CCDC171: variants seen among roughly 807,000 people sequenced by gnomAD.
CCDC171 encodes the protein coiled-coil domain-containing protein 171.
A neutral mutation model predicts 168.2 loss-of-function variants in CCDC171; 177 were observed. The ratio of observed to expected loss-of-function variants is 1.05; its 90% CI spans 0.93 to 1.19. The LOEUF (loss-of-function observed/expected upper bound fraction) is 1.19, where lower values mean the gene tolerates loss of function less well. Among genes scored for constraint, CCDC171 ranks in the 50% most tolerant of loss-of-function variants. The pLI is 0.00. For missense variants in CCDC171, 1,991 were observed against 1,539.0 expected (o/e 1.29, Z -4.91); for synonymous variants, 687 against 540.8 (o/e 1.27, Z -3.75).
chr9:15,956,165 C>T (rs775884810), intron 25 of CCDC171, among the ~76,000 whole-genome samples: 32 of 152,144 alleles, frequency 2.1e-4, no homozygotes, highest in South Asian at 4.1e-4. Flanking sequence ...AGGCATGTCA[C>T]GAAAGCACTG....
At chr9:15,696,014 A>G (rs1030841779) in intron 11 of CCDC171, among the ~76,000 whole-genome samples, 1 of 152,192 alleles carries the variant, frequency 6.6e-6, no homozygotes, top group Admixed American at 6.5e-5. Flanking sequence ...TATGTGTGCT[A>G]TAGTAGCTTT....
intron 7 of CCDC171, among the ~76,000 whole-genome samples, chr9:15,627,579 A>G (rs758148136): frequency 6.6e-6 from 1 of 152,182 alleles, no homozygotes; most frequent in Admixed American, 6.5e-5. Flanking sequence ...TTATGTACCC[A>G]GTAGTCATTC....
chr9:15,994,808 A>G (rs1333644352), intron 3 of CCDC171, among the ~76,000 whole-genome samples: 2 of 152,328 alleles, frequency 1.3e-5, no homozygotes, highest in East Asian at 3.9e-4. Context: ...TGAATGAACA[A>G]CTGGAGCCTC....
At chr9:15,625,043 G>T (rs2044938268) in intron 7 of CCDC171, among the ~76,000 whole-genome samples, 1 of 152,160 alleles carries the variant, frequency 6.6e-6, no homozygotes, top group Non-Finnish European at 1.5e-5. Context: ...TTGTGGTTTT[G>T]ATTTGCATTT....
intron 4 of CCDC171, among the ~76,000 whole-genome samples, chr9:15,582,829 G>A (rs1050762082): frequency 3.7e-4 from 56 of 151,682 alleles, no homozygotes; most frequent in Non-Finnish European, 6.8e-4. Context: ...AATACTTAAT[G>A]TAGATGATGG....
Position 15,883,737 on chromosome 9 carries a change from C to T in CCDC171, c.3600+9074C>T, listed in dbSNP as rs144677741. ...ATGTATGTATGAATTATATACCTTG[C>T]GGGAATGATCTGGTATAACTGATCT... On this transcript the variant is annotated intron_variant, in intron 24 of 25. Coordinates refer to ENST00000380701, the MANE Select transcript of CCDC171 (RefSeq NM_173550.4). Among the ~76,000 whole-genome samples, 1,136 of 152,184 alleles carry T rather than the reference C, an allele frequency of 7.5e-3. 6 individuals are homozygous for T. Among genetic ancestry groups the T allele is most frequent in the Non-Finnish European group, 0.01 (704 of 68,006 alleles).
At chr9:15,996,492 C>A (rs1832379135) in intron 3 of CCDC171, among the ~76,000 whole-genome samples, 1 of 134,964 alleles carries the variant, frequency 7.4e-6, no homozygotes, top group African/African-American at 2.8e-5. Context: ...TGTGTTTTGA[C>A]TGAAACCCAT....
intron 6 of CCDC171, among the ~76,000 whole-genome samples, chr9:16,026,654 T>G (rs1182037450): frequency 2.6e-5 from 4 of 152,198 alleles, no homozygotes; most frequent in Non-Finnish European, 5.9e-5. Flanking sequence ...GACATTTCTC[T>G]GCCCCAACTT....
At chr9:15,999,492 G>T (rs1832476301) in intron 3 of CCDC171, among the ~76,000 whole-genome samples, 3 of 152,058 alleles carry the variant, frequency 2.0e-5, no homozygotes, top group Admixed American at 2.0e-4. Flanking sequence ...TCAGAACAAG[G>T]TTGAAGCACC....
At chr9:15,880,696 G>A (rs991964380) in intron 24 of CCDC171, among the ~76,000 whole-genome samples, 7 of 147,006 alleles carry the variant, frequency 4.8e-5, no homozygotes, top group African/African-American at 1.3e-4. Flanking sequence ...GGCTGGTCTC[G>A]AACTCCTGAC....
At chr9:15,977,411 A>G (rs1831657766), downstream of CCDC171, among the ~76,000 whole-genome samples, 1 of 152,196 alleles carries the variant, frequency 6.6e-6, no homozygotes, top group Non-Finnish European at 1.5e-5. Flanking sequence ...ATCTCTGGAT[A>G]TAGTATGGGA....
At chr9:15,737,319 A>T (rs1199178805) in intron 16 of CCDC171, among the ~76,000 whole-genome samples, 1 of 152,198 alleles carries the variant, frequency 6.6e-6, no homozygotes, top group Admixed American at 6.5e-5. Flanking sequence ...AGTAAATAAT[A>T]CAAGGTTTAT....
At chr9:15,781,819 C>G (rs556220291) in intron 20 of CCDC171, among the ~76,000 whole-genome samples, 1 of 152,304 alleles carries the variant, frequency 6.6e-6, no homozygotes, top group Admixed American at 6.5e-5. Context: ...TGACCCTAAG[C>G]ACGTTACAGA....
At position 15,560,633 on chromosome 9, in the gene CCDC171, CT is replaced by C. The variant is rs1292729264; in HGVS notation, c.-111-3339del. 5.9e-5 allele frequency among the ~76,000 whole-genome samples: 9 copies of C among 152,200 alleles called. No homozygotes were observed. In the South Asian group the frequency reaches 1.7e-3, roughly 28 times the overall value. On this transcript the variant is annotated intron_variant, in intron 1 of 25. Transcript: ENST00000380701. ...TATTCTAGTTAGCCATTCATCTAAT[CT>C]TTTTTCAAGGTTTTTAGCTTCTTTG... is the stretch of plus-strand genomic sequence containing the variant.
At position 15,680,299 on chromosome 9, in the gene CCDC171, A is replaced by G. The variant is rs574404776; in HGVS notation, c.1215+1403A>G. On this transcript the variant is annotated intron_variant, in intron 10 of 25. Transcript: ENST00000380701. ...CCATGGAGGGTGTAAAGTTTATGGT[A>G]ATACTGTATTACTTCTTTGTTTTGT... 2.0e-5 allele frequency among the ~76,000 whole-genome samples: 3 copies of G among 152,320 alleles called. No individual in the cohort carries two copies. The South Asian group carries it at 6.2e-4, about 32-fold the overall frequency.
chr9:15,592,251 G>A (rs200958614), intron 5 of CCDC171, among the ~76,000 whole-genome samples: 6 of 151,684 alleles, frequency 4.0e-5, no homozygotes, highest in African/African-American at 1.5e-4. Context: ...ATCACTTGAG[G>A]CCAGGAGTTT....
Position 15,744,700 on chromosome 9 carries a change from C to T in CCDC171, c.2477C>T (p.Thr826Ile). The T allele has an allele frequency of 6.2e-7, 1 of 1,614,064 alleles. No individual in the cohort carries two copies. The highest frequency in any genetic ancestry group is 8.5e-7 in the Non-Finnish European group (1 of 1,179,984). The change falls in exon 17 of 26, where the codon ACC (threonine) becomes ATC (isoleucine). Residue 826 changes from threonine to isoleucine, a missense_variant. By Grantham distance (89) the Thr-to-Ile change is moderately conservative. Transcript: ENST00000380701. Reference sequence around the variant, plus strand: ...GGCCAATCATGTGCCTCTCTTTTTACCTGGATGGAGAGTTTCAAAGAAGGC... The same window carrying T: ...GGCCAATCATGTGCCTCTCTTTTTATCTGGATGGAGAGTTTCAAAGAAGGC... Reference protein sequence around the residue: ...ILGQSCASLFTWMESFKEGIG... With the variant: ...ILGQSCASLFIWMESFKEGIG...
At position 15,982,236 on chromosome 9, in the gene CCDC171, A is replaced by G. The variant is rs192617259; in HGVS notation, n.369-38353A>G. On this transcript the variant is annotated intron_variant and non_coding_transcript_variant, in intron 3 of 9. Transcript: ENST00000486641. The stretch of plus-strand genomic sequence containing the variant: ...CTTCTGAGAACTTCTCAGAATTTCA[A>G]TTAGCAGTAATTGAGCTTGTTTAGT... 4.3e-4 allele frequency among the ~76,000 whole-genome samples: 66 copies of G among 152,254 alleles called. 1 individual carries two copies. The highest frequency in any genetic ancestry group is 2.0e-3 in the Admixed American group (30 of 15,292).
chr9:15,631,858 G>C (rs1001739695), intron 7 of CCDC171, among the ~76,000 whole-genome samples: 21 of 152,290 alleles, frequency 1.4e-4, no homozygotes, highest in African/African-American at 4.6e-4. Flanking sequence ...ATGCAAGGCT[G>C]TTTCAATATA....
Sources: allele counts gnomAD v4.1 joint callset (sites outside exome capture counted in the v4.1 genomes callset), GRCh38; gene constraint gnomAD v4.1.1; transcripts MANE v1.5; gene names NCBI Gene and HGNC (gene_info 2026-07-23, HGNC 2026-07-21).